Variants in RASGEF1B observed in about 807,000 individuals in gnomAD.
RASGEF1B encodes the protein ras-GEF domain-containing family member 1B.
RASGEF1B carries 30 observed loss-of-function variants against 65.7 expected under a neutral mutation model. The ratio of observed to expected loss-of-function variants is 0.46; its 90% CI spans 0.34 to 0.62. The LOEUF is 0.62. Ranked by LOEUF, RASGEF1B falls within the 20% of genes least tolerant of loss-of-function variation. RASGEF1B has a pLI of 0.01. For missense variants in RASGEF1B, 495 were observed against 580.1 expected, an observed-to-expected ratio of 0.85 and a Z score of 1.51; for synonymous variants, 175 against 194.8, an observed-to-expected ratio of 0.90 and a Z score of 0.85.
At chr4:81,441,772 G>C (rs991617713) in intron 9 of RASGEF1B, among the ~76,000 whole-genome samples, 7 of 151,946 alleles carry the variant, frequency 4.6e-5, no homozygotes, top group African/African-American at 1.5e-4. Context: ...TGAACTCCTG[G>C]GTTCAGGTGA....
At chr4:81,441,455 T>A (rs1448654637) in intron 9 of RASGEF1B, among the ~76,000 whole-genome samples, 2 of 152,024 alleles carry the variant, frequency 1.3e-5, no homozygotes, top group Non-Finnish European at 2.9e-5. Context: ...TTTCTTATTG[T>A]CTCCAAAGAT....
rs986272960 is a variant in RASGEF1B at position 81,427,041 on chromosome 4, C to G, written c.*727G>C. 4 of 121,484 alleles carry G rather than the reference C, an allele frequency of 3.3e-5. No individual in the cohort carries two copies. Among genetic ancestry groups the G allele is most frequent in the Non-Finnish European group, 5.1e-5 (3 of 58,466 alleles). 7.5% of individuals were successfully genotyped at this position (121,484 alleles called of 1,614,324 possible). A position where few individuals can be genotyped will look rare whatever the true frequency, so the allele number is the denominator to read the frequency against. ...TCTAGCATGTTAAGCAGTCCAATGACAAACTCTGCTTTTTATTTTCTTTCT... is the reference window on the plus strand; with the variant it reads ...TCTAGCATGTTAAGCAGTCCAATGAGAAACTCTGCTTTTTATTTTCTTTCT... On this transcript the variant is annotated 3_prime_UTR_variant, in exon 14 of 14. Transcript: ENST00000264400.
chr4:81,440,830 A>G lies in RASGEF1B; in HGVS notation c.1104+4T>C, dbSNP rs1041780411. 5 of 1,576,224 alleles carry G rather than the reference A, an allele frequency of 3.2e-6. No individual in the cohort carries two copies. The highest frequency in any genetic ancestry group is 3.5e-6 in the Non-Finnish European group (4 of 1,147,672). ...ATAAGAAAGATACTTCTTTAAGTGC[A>G]TACCTTTTCTCTACTACTATGAGCA... On this transcript the variant is annotated splice_donor_region_variant and intron_variant, in intron 10 of 13. Coordinates refer to ENST00000264400, the MANE Select transcript of RASGEF1B (RefSeq NM_152545.3).
Position 81,438,779 on chromosome 4 carries a change from GTTCTCATTGTT to G in RASGEF1B, c.1104+2044_1104+2054del, listed in dbSNP as rs541838665. Among the ~76,000 whole-genome samples the G allele has an allele frequency of 2.7e-3, 409 of 149,232 alleles. 1 individual carries two copies. The highest frequency in any genetic ancestry group is 9.1e-3 in the African/African-American group (368 of 40,436). On this transcript the variant is annotated intron_variant, in intron 10 of 13. Transcript: ENST00000264400. ...TGTTGTCCCCTCCCTGTGTCCATGTGTTCTCATTGTTCAACTCCCACTTACGAGTGAGAACA... is the reference window on the plus strand; with the variant it reads ...TGTTGTCCCCTCCCTGTGTCCATGTGCAACTCCCACTTACGAGTGAGAACA...
rs1436546183 is a variant in RASGEF1B, at chr4:81,428,601, TA to T, written c.1398-810del. ...TATTTACATAGCATTTACATTATATTAGGTATTATAAGTAATCTAGAGATGA... is the reference window on the plus strand; with the variant it reads ...TATTTACATAGCATTTACATTATATTGGTATTATAAGTAATCTAGAGATGA... On this transcript the variant is annotated intron_variant, in intron 13 of 13. Transcript: ENST00000264400. Among the ~76,000 whole-genome samples, 3 of 152,326 alleles carry T rather than the reference TA, an allele frequency of 2.0e-5. No individual in the cohort carries two copies. In the East Asian group the frequency reaches 5.8e-4, roughly 29 times the overall value.
At chr4:81,453,781 A>C (rs1490665095) in intron 4 of RASGEF1B, 2 of 152,278 alleles carry the variant, frequency 1.3e-5, no homozygotes, top group African/African-American at 4.8e-5. Flanking sequence ...CATCGATCAC[A>C]CAGTTTCAGA....
chr4:81,435,090 G>T (rs1317662681), intron 10 of RASGEF1B, among the ~76,000 whole-genome samples: 1 of 152,070 alleles, frequency 6.6e-6, no homozygotes, highest in Non-Finnish European at 1.5e-5. Context: ...CTTTCACTTA[G>T]CAACCCCTTA....
At chr4:81,469,536 GTAGT>G (rs1722953926) in intron 1 of RASGEF1B, among the ~76,000 whole-genome samples, 1 of 151,990 alleles carries the variant, frequency 6.6e-6, no homozygotes, top group Non-Finnish European at 1.5e-5. Flanking sequence ...CTATTAACTA[GTAGT>G]TAATTTTAGG....
chr4:81,469,867 T>C (rs1185365752), intron 1 of RASGEF1B, among the ~76,000 whole-genome samples: 3 of 152,158 alleles, frequency 2.0e-5, no homozygotes, highest in Non-Finnish European at 4.4e-5. Context: ...AAATAAATTC[T>C]AAGAATGTAA....
At chr4:81,435,182 C>T (rs947742002) in intron 10 of RASGEF1B, among the ~76,000 whole-genome samples, 5 of 151,946 alleles carry the variant, frequency 3.3e-5, no homozygotes, top group African/African-American at 7.2e-5. Flanking sequence ...GAGGCCAAGG[C>T]GGGTGGATCA....
intron 4 of RASGEF1B, among the ~76,000 whole-genome samples, chr4:81,449,102 G>A (rs534496415): frequency 4.6e-5 from 7 of 152,242 alleles, no homozygotes; most frequent in South Asian, 2.1e-4. Flanking sequence ...ATAAGCCACC[G>A]CGTCTGGCCT....
At chr4:81,448,983 T>G (rs1722148173) in intron 4 of RASGEF1B, among the ~76,000 whole-genome samples, 1 of 151,796 alleles carries the variant, frequency 6.6e-6, no homozygotes, top group Admixed American at 6.6e-5. Flanking sequence ...CCTGGCTAAT[T>G]TTTGTATTTT....
chr4:81,466,560 C>T (rs191250810), intron 1 of RASGEF1B, among the ~76,000 whole-genome samples: 2 of 151,872 alleles, frequency 1.3e-5, no homozygotes, highest in East Asian at 1.9e-4. Flanking sequence ...CAGATCGAGA[C>T]CATCCTGGCT....
At chr4:81,445,497 A>G in intron 8 of RASGEF1B, 29 bp downstream of exon 8, 1 of 1,440,406 alleles carries the variant, frequency 6.9e-7, no homozygotes, top group Non-Finnish European at 9.8e-7. Context: ...GTAAAGATAA[A>G]CGACATGTAT....
intron 1 of RASGEF1B, among the ~76,000 whole-genome samples, chr4:81,465,023 G>A (rs892217316): frequency 1.1e-4 from 16 of 150,734 alleles, no homozygotes; most frequent in Admixed American, 2.0e-4. Context: ...AGCGGAGGTT[G>A]TTGTGAGCTA....
intron 2 of RASGEF1B, 145 bp from the exon 3 acceptor site, chr4:81,457,766 G>T: frequency 1.3e-6 from 1 of 788,730 alleles, no homozygotes; most frequent in South Asian, 1.8e-5. Flanking sequence ...TAGTAAAACA[G>T]TGTAAGGTTA....
At chr4:81,448,771 C>G (rs902358375) in intron 4 of RASGEF1B, among the ~76,000 whole-genome samples, 5 of 152,066 alleles carry the variant, frequency 3.3e-5, no homozygotes, top group Admixed American at 6.6e-5. Flanking sequence ...AGAAATATAC[C>G]ATTGCTTCCA....
intron 2 of RASGEF1B, 142 bp from the exon 3 acceptor site, chr4:81,457,763 A>G (rs1291804517): frequency 1.2e-6 from 1 of 811,430 alleles, no homozygotes. Context: ...TAGTAGTAAA[A>G]CAGTGTAAGG....
chr4:81,467,284 G>T (rs1240297896), intron 1 of RASGEF1B, among the ~76,000 whole-genome samples: 1 of 152,112 alleles, frequency 6.6e-6, no homozygotes, highest in African/African-American at 2.4e-5. Context: ...CCTAATTGTT[G>T]GAGGAAGGGG....
Sources: gnomAD v4.1 joint callset for allele counts (sites outside exome capture counted in the v4.1 genomes callset) on GRCh38, gnomAD v4.1.1 for gene constraint, MANE v1.5 for transcripts, NCBI Gene and HGNC (gene_info 2026-07-23, HGNC 2026-07-21) for gene names.